Variants in BANK1 observed in about 807,000 individuals in gnomAD.
BANK1 encodes the protein B cell scaffold protein with ankyrin repeats 1.
Under a neutral mutation model 94.5 loss-of-function variants are expected in BANK1, and 95 were observed. The ratio of observed to expected loss-of-function variants is 1.00; its 90% confidence interval spans 0.85 to 1.19. BANK1 has a LOEUF of 1.19. Ranked by LOEUF, BANK1 falls within the 50% of genes most tolerant of loss-of-function variation. BANK1 has a pLI of 0.00. For synonymous variants in BANK1, 334 were observed against 308.4 expected, an observed-to-expected ratio of 1.08 and a Z score of -0.87; for missense variants, 987 against 932.2, an observed-to-expected ratio of 1.06 and a Z score of -0.77.
rs747039827 is a variant in BANK1 at position 102,025,304 on chromosome 4, A to T, written c.1389A>T (p.Gly463=). ...TGGAAGGGGAAGGAAAACAGAATGGATCAGGCATGGAGACCAAACACAGCC... is the reference window on the plus strand; with the variant it reads ...TGGAAGGGGAAGGAAAACAGAATGGTTCAGGCATGGAGACCAAACACAGCC... ...NEMEGEGKQN[G]SGMETKHSPL... is the part of the protein sequence containing the mutation. Residue 463 remains glycine (G), a synonymous_variant, in exon 9 of 17, where the codon GGA becomes GGT. Transcript: ENST00000322953. 27 of 1,614,000 alleles carry T rather than the reference A, an allele frequency of 1.7e-5. No homozygotes were observed. Among genetic ancestry groups the T allele is most frequent in the Non-Finnish European group, 2.2e-5 (26 of 1,179,996 alleles).
At chr4:101,847,958 T>C (rs1727319092) in intron 2 of BANK1, among the ~76,000 whole-genome samples, 1 of 152,170 alleles carries the variant, frequency 6.6e-6, no homozygotes, top group African/African-American at 2.4e-5. Flanking sequence ...CCTGCTCCTC[T>C]GGCCATCTTC....
chr4:102,027,670 G>GA (rs57958483), intron 9 of BANK1, among the ~76,000 whole-genome samples: 87,457 of 141,750 alleles, frequency 0.62, 27,045 homozygotes, highest in African/African-American at 0.75. Context: ...GTTACTGAAG[G>GA]AAAAAAAAAA....
At chr4:102,070,837 A>G (rs1177909916) in intron 13 of BANK1, among the ~76,000 whole-genome samples, 1 of 152,202 alleles carries the variant, frequency 6.6e-6, no homozygotes, top group East Asian at 1.9e-4. Context: ...CGGAGATAAA[A>G]TGGTCTCTAT....
chr4:101,904,546 G>A (rs1722384100), intron 6 of BANK1, among the ~76,000 whole-genome samples: 1 of 152,160 alleles, frequency 6.6e-6, no homozygotes, highest in Non-Finnish European at 1.5e-5. Context: ...TCTTTGGCAG[G>A]AACTTTGTTT....
At chr4:102,050,309 G>GTAAGT (rs1407654662) in intron 11 of BANK1, among the ~76,000 whole-genome samples, 1 of 152,152 alleles carries the variant, frequency 6.6e-6, no homozygotes, top group East Asian at 1.9e-4. Context: ...TCTTTGAAGG[G>GTAAGT]TAAGTTTCTG....
intron 6 of BANK1, among the ~76,000 whole-genome samples, chr4:101,901,140 C>T (rs894965671): frequency 2.8e-4 from 42 of 152,298 alleles, no homozygotes; most frequent in African/African-American, 9.9e-4. Context: ...GATCTAGGTA[C>T]TCCCAATTCT....
At chr4:101,977,947 T>TTTTG (rs147236980) in intron 7 of BANK1, among the ~76,000 whole-genome samples, 41 of 150,132 alleles carry the variant, frequency 2.7e-4, no homozygotes, top group Admixed American at 1.9e-3. Context: ...AATTTAGGGG[T>TTTTG]TTTGTTTGTT....
At chr4:101,817,640 T>C (rs1004388931) in intron 1 of BANK1, among the ~76,000 whole-genome samples, 17 of 152,116 alleles carry the variant, frequency 1.1e-4, no homozygotes, top group Non-Finnish European at 7.4e-5. Context: ...GGCACACGTT[T>C]ACCTATGTAA....
Position 102,025,466 on chromosome 4 carries a change from A to T in BANK1, c.1551A>T (p.Val517=). Residue 517 remains valine, a synonymous_variant, in exon 9 of 17, where the codon GTA becomes GTT. Transcript: ENST00000322953. ...SRPPLPPPRP[V]ANAFQLERPH... ...CTCCTCTCCCCCCGCCGCGACCTGT[A>T]GCTAATGCCTTCCAACTGGAAAGAC... 1.2e-6 allele frequency: 2 copies of T among 1,614,124 alleles called. No homozygotes were observed. Among genetic ancestry groups the T allele is most frequent in the Non-Finnish European group, 1.7e-6 (2 of 1,180,020 alleles).
chr4:101,974,158 T>C (rs1345845105), intron 7 of BANK1, among the ~76,000 whole-genome samples: 1 of 152,158 alleles, frequency 6.6e-6, no homozygotes, highest in East Asian at 1.9e-4. Flanking sequence ...CTTTCTCTGC[T>C]TCTTTTCCAT....
At position 102,069,944 on chromosome 4, in the gene BANK1, A is replaced by G. The variant is rs556138415; in HGVS notation, c.2213-1331A>G. ...GTATTCCATCTATCTGGAATTCTAG[A>G]TAAAACTAATCTAGACAAAATTGTA... On this transcript the variant is annotated intron_variant, in intron 13 of 16. Transcript: ENST00000322953. 5.9e-5 allele frequency among the ~76,000 whole-genome samples: 9 copies of G among 152,280 alleles called. No homozygotes were observed. In the East Asian group the frequency reaches 1.7e-3, roughly 29 times the overall value.
chr4:102,011,856 T>G (rs1726522774), intron 7 of BANK1, among the ~76,000 whole-genome samples: 1 of 152,170 alleles, frequency 6.6e-6, no homozygotes. Context: ...AGAAATAATT[T>G]TTAATAGGTC....
At chr4:101,954,978 G>A (rs1724288316) in intron 7 of BANK1, among the ~76,000 whole-genome samples, 1 of 152,068 alleles carries the variant, frequency 6.6e-6, no homozygotes, top group South Asian at 2.1e-4. Flanking sequence ...AGGTAAGCAT[G>A]AGTTAAATTA....
chr4:101,927,437 A>G (rs2148903870), intron 7 of BANK1, among the ~76,000 whole-genome samples: 1 of 151,726 alleles, frequency 6.6e-6, no homozygotes, highest in South Asian at 2.1e-4. Context: ...GCATCATATG[A>G]TTTAAATTGA....
rs769450060 is a variant in BANK1, at chr4:102,060,359, G to A, written c.2118G>A (p.Met706Ile). 5 of 1,608,606 alleles carry A rather than the reference G, an allele frequency of 3.1e-6. No homozygotes were observed. The highest frequency in any genetic ancestry group is 4.2e-6 in the Non-Finnish European group (5 of 1,178,108). Residue 706 changes from methionine (M) to isoleucine (I), a missense_variant, in exon 12 of 17, where the codon ATG becomes ATA. Coordinates refer to ENST00000322953, the MANE Select transcript of BANK1 (RefSeq NM_017935.5). ...TGGAGAAATTTAAACACTGGCAGAT[G>A]GGAAAAAGTGGCCTGGAAATGATTC... The part of the protein sequence containing the change: ...EALEKFKHWQ[M>I]GKSGLEMIQQ...
chr4:101,958,810 A>G (rs2148918029), intron 7 of BANK1, among the ~76,000 whole-genome samples: 1 of 152,362 alleles, frequency 6.6e-6, no homozygotes, highest in African/African-American at 2.4e-5. Context: ...TGCTGCTAGC[A>G]CAGTGGCTGC....
rs573558374 is a variant in BANK1, at chr4:101,793,033, T to C, written c.70+2083T>C. ...ACTGCTGTTTTAATTAGGGAGTGAT[T>C]ATTTATTAAATCACAGATTTTTCTC... is the stretch of plus-strand genomic sequence containing the variant. On this transcript the variant is annotated intron_variant, in intron 1 of 16. Transcript: ENST00000322953. Among the ~76,000 whole-genome samples the C allele has an allele frequency of 2.6e-5, 4 of 152,330 alleles. No individual in the cohort carries two copies. The South Asian group carries it at 8.3e-4, about 32-fold the overall frequency.
chr4:101,914,081 C>T (rs375473858), intron 6 of BANK1, among the ~76,000 whole-genome samples: 1 of 152,150 alleles, frequency 6.6e-6, no homozygotes, highest in African/African-American at 2.4e-5. Flanking sequence ...AGTAACTATT[C>T]ATCTTTATCC....
intron 2 of BANK1, among the ~76,000 whole-genome samples, chr4:101,850,264 T>TG (rs1727422869): frequency 6.6e-6 from 1 of 152,068 alleles, no homozygotes; most frequent in Non-Finnish European, 1.5e-5. Context: ...TTTGTTTGTT[T>TG]GTTTGGTTGG....
Sources: allele counts gnomAD v4.1 joint callset (sites outside exome capture counted in the v4.1 genomes callset), GRCh38; gene constraint gnomAD v4.1.1; transcripts MANE v1.5; gene names NCBI Gene and HGNC (gene_info 2026-07-23, HGNC 2026-07-21).